The following BIRC6 variants were observed in gnomAD, a reference collection of about 807,000 sequenced individuals.
BIRC6 encodes the protein baculoviral IAP repeat containing 6, also known as dual E2 ubiquitin-conjugating enzyme/E3 ubiquitin-protein ligase BIRC6.
In BIRC6, 98 loss-of-function variants were observed where a neutral mutation model predicts 503.3. The ratio of observed to expected loss-of-function variants is 0.19; its 90% CI spans 0.17 to 0.23. BIRC6 has a LOEUF of 0.23. BIRC6 is among the 10% of genes least tolerant of loss of function. The pLI is 1.00. For synonymous variants in BIRC6, 2,240 were observed against 2,078.7 expected (o/e 1.08, Z -2.11); for missense variants, 5,360 against 5,806.0 (o/e 0.92, Z 2.50).
intron 6 of BIRC6, among the ~76,000 whole-genome samples, chr2:32,399,977 T>G (rs2040421506): frequency 1.3e-5 from 2 of 151,946 alleles, no homozygotes; most frequent in Non-Finnish European, 1.5e-5. Flanking sequence ...TTATTTTTTG[T>G]AGCAATGAGG....
chr2:32,379,310 A>G (rs999882497), intron 2 of BIRC6: 4 of 152,234 alleles, frequency 2.6e-5, no homozygotes, highest in African/African-American at 9.6e-5. Context: ...TTTAAGGAAT[A>G]TAAACCAGCT....
intron 45 of BIRC6, 106 bp downstream of exon 45, chr2:32,493,773 C>T: frequency 1.1e-6 from 1 of 876,816 alleles, no homozygotes; most frequent in African/African-American, 1.7e-5. Context: ...AACAAATAAG[C>T]AGGAGGACGG....
chr2:32,512,826 A>G (rs1485221561), intron 53 of BIRC6, 107 bp from the exon 54 acceptor site: 1 of 783,722 alleles, frequency 1.3e-6, no homozygotes, highest in African/African-American at 1.7e-5. Context: ...CAATTAGTGC[A>G]TTATTCTCAT....
intron 65 of BIRC6, among the ~76,000 whole-genome samples, chr2:32,555,866 T>C (rs983314807): frequency 2.9e-5 from 4 of 138,362 alleles, no homozygotes; most frequent in African/African-American, 8.3e-5. Context: ...CAGTGAGCCG[T>C]GATCATACCA....
intron 73 of BIRC6, among the ~76,000 whole-genome samples, chr2:32,613,601 G>C (rs982042967): frequency 6.6e-6 from 1 of 151,936 alleles, no homozygotes; most frequent in Non-Finnish European, 1.5e-5. Context: ...GGCTGGTCTC[G>C]AACTCCAGGC....
At chr2:32,512,773 G>T (rs2054576502) in intron 53 of BIRC6, among the ~76,000 whole-genome samples, 160 bp from the exon 54 acceptor site, 1 of 152,144 alleles carries the variant, frequency 6.6e-6, no homozygotes, top group African/African-American at 2.4e-5. Context: ...TTGTTGCCGA[G>T]AGATTTCCTT....
intron 13 of BIRC6, 77 bp downstream of exon 13, chr2:32,433,881 AAGTTTCGTGTCCCTTTCTGTC>A: frequency 8.1e-7 from 1 of 1,239,448 alleles, no homozygotes; most frequent in Non-Finnish European, 1.1e-6. Flanking sequence ...CACCTTGGCT[AAGTTTCGTGTCCCTTTCTGTC>A]CCTTGTTGCC....
chr2:32,429,746 A>G (rs1033267291), intron 11 of BIRC6, among the ~76,000 whole-genome samples: 1 of 152,148 alleles, frequency 6.6e-6, no homozygotes, highest in Non-Finnish European at 1.5e-5. Context: ...CTAATTTTTC[A>G]AAAGAAGTTT....
chr2:32,377,213 A>ATATGTG (rs150659120), intron 1 of BIRC6, among the ~76,000 whole-genome samples: 2 of 144,258 alleles, frequency 1.4e-5, no homozygotes, highest in African/African-American at 2.6e-5. Flanking sequence ...CTTAATATAT[A>ATATGTG]TGTGTGTGTG....
chr2:32,487,587 A>G, intron 40 of BIRC6, 60 bp from the exon 41 acceptor site: 1 of 1,459,330 alleles, frequency 6.9e-7, no homozygotes, highest in African/African-American at 1.4e-5. Context: ...CATATGAATA[A>G]CCAGTTAACA....
intron 53 of BIRC6, among the ~76,000 whole-genome samples, chr2:32,511,381 C>G (rs1402982157): frequency 6.6e-6 from 1 of 150,934 alleles, no homozygotes; most frequent in Non-Finnish European, 1.5e-5. Flanking sequence ...GCAATCTTGG[C>G]TCACTGCAAG....
intron 1 of BIRC6, among the ~76,000 whole-genome samples, chr2:32,375,743 C>CTCTTTTTTT (rs1432305814): frequency 7.2e-6 from 1 of 138,380 alleles, no homozygotes; most frequent in African/African-American, 2.7e-5. Flanking sequence ...CTTTCTCTCT[C>CTCTTTTTTT]TTTTTTTTTT....
chr2:32,378,939 G>C (rs1371140352), intron 2 of BIRC6: 1 of 152,068 alleles, frequency 6.6e-6, no homozygotes, highest in African/African-American at 2.4e-5. Flanking sequence ...ATAATTACTG[G>C]ATTTTGCATC....
intron 71 of BIRC6, among the ~76,000 whole-genome samples, chr2:32,604,127 T>C (rs1380496070): frequency 6.6e-6 from 1 of 152,182 alleles, no homozygotes; most frequent in East Asian, 1.9e-4. Context: ...ATTATAAAGT[T>C]ATGTAATTCT....
At chr2:32,499,507 C>G (rs138956464) in intron 45 of BIRC6, 40 bp from the exon 46 acceptor site, 5 of 1,466,722 alleles carry the variant, frequency 3.4e-6, no homozygotes, top group Admixed American at 5.1e-5. Context: ...GTATCTCTCT[C>G]TCTCTCTCTT....
intron 66 of BIRC6, chr2:32,590,820 C>G (rs2061344835): frequency 1.0e-6 from 1 of 985,758 alleles, no homozygotes; most frequent in South Asian, 4.7e-5. Flanking sequence ...GTGATCACAA[C>G]CAGATTCAAC....
At chr2:32,403,980 T>C (rs2040892415) in intron 8 of BIRC6, among the ~76,000 whole-genome samples, 1 of 150,242 alleles carries the variant, frequency 6.7e-6, no homozygotes, top group African/African-American at 2.5e-5. Context: ...CAGGTTAGAG[T>C]GCAGTGGCGC....
chr2:32,566,976 TTTTG>T lies in BIRC6; in HGVS notation c.13145-8168_13145-8165del, dbSNP rs769516340. On this transcript the variant is annotated intron_variant, in intron 65 of 73. Transcript: ENST00000421745. ...GACATTACTCTTTTCCCACTTCTTT[TTTTG>T]TTTGTTTGTTTTGAAACAGAGTCTC... Among the ~76,000 whole-genome samples the T allele has an allele frequency of 8.5e-5, 13 of 152,296 alleles. No homozygotes were observed. In the East Asian group the frequency reaches 1.4e-3, roughly 16 times the overall value.
At position 32,465,106 on chromosome 2, in the gene BIRC6, T is replaced by C. The variant is rs760068526; in HGVS notation, c.5298T>C (p.Ala1766=). Residue 1766 remains alanine, a synonymous_variant, in exon 26 of 74, where the codon GCT becomes GCC. Coordinates refer to ENST00000421745, the MANE Select transcript of BIRC6 (RefSeq NM_016252.4). ...GSGLALAISH[A]SHFLQPPPHQ... ...GTCTAGCCCTTGCAATTTCTCATGC[T>C]TCACATTTTCTTCAACCTCCGCCTC... is the stretch of plus-strand genomic sequence containing the variant. 1.9e-6 allele frequency: 3 copies of C among 1,609,102 alleles called. No individual in the cohort carries two copies. Among genetic ancestry groups the C allele is most frequent in the Middle Eastern group, 1.7e-4 (1 of 6,052 alleles).
Sources: gnomAD v4.1 joint callset for allele counts (sites outside exome capture counted in the v4.1 genomes callset) on GRCh38, gnomAD v4.1.1 for gene constraint, MANE v1.5 for transcripts, NCBI Gene and HGNC (gene_info 2026-07-23, HGNC 2026-07-21) for gene names.